The following SMG5 variants were observed in gnomAD, a reference collection of about 807,000 sequenced individuals.
SMG5 encodes nonsense-mediated mRNA decay factor SMG5.
In SMG5, 53 loss-of-function variants were observed where a neutral mutation model predicts 122.9. That is an observed-to-expected ratio of 0.43 (90% confidence interval 0.35 to 0.54). SMG5 has a LOEUF of 0.54. Among genes scored for constraint, SMG5 ranks in the 20% least tolerant of loss-of-function variants. The pLI is 0.01. For synonymous variants in SMG5, 477 were observed against 490.2 expected (o/e 0.97, Z 0.35); for missense variants, 1,153 against 1,285.6 (o/e 0.90, Z 1.58).
intron 7 of SMG5, among the ~76,000 whole-genome samples, chr1:156,271,289 T>C (rs887264505): frequency 1.3e-5 from 2 of 152,234 alleles, no homozygotes; most frequent in African/African-American, 4.8e-5. Context: ...ACTTTAGTAG[T>C]TGACCACTTA....
chr1:156,278,142 C>A, intron 2 of SMG5, 94 bp from the exon 3 acceptor site: 1 of 1,496,906 alleles, frequency 6.7e-7, no homozygotes, highest in Non-Finnish European at 9.0e-7. Flanking sequence ...AACACCCCCA[C>A]CAACAAATCT....
At chr1:156,276,315 T>C (rs1180651797) in intron 4 of SMG5, among the ~76,000 whole-genome samples, 1 of 152,074 alleles carries the variant, frequency 6.6e-6, no homozygotes, top group African/African-American at 2.4e-5. Flanking sequence ...TTAATAGAGA[T>C]GGAGTTTCAC....
Position 156,262,294 on chromosome 1 carries a change from C to T in SMG5, c.2032-886G>A, listed in dbSNP as rs996661213. Among the ~76,000 whole-genome samples, 5 of 152,002 alleles carry T rather than the reference C, an allele frequency of 3.3e-5. No individual in the cohort carries two copies. In the East Asian group the frequency reaches 9.7e-4, roughly 29 times the overall value. ...GGCGGATCAAGACCATCCTGGCTAA[C>T]ATGGTGAAACGCCGTCTCTACTAAA... On this transcript the variant is annotated intron_variant, in intron 13 of 21. Transcript: ENST00000361813.
chr1:156,260,409 G>T, intron 15 of SMG5, 42 bp downstream of exon 15: 2 of 1,580,994 alleles, frequency 1.3e-6, no homozygotes, highest in South Asian at 2.3e-5. Context: ...TGCTGTTTGT[G>T]ACTGACAAAC....
upstream of SMG5, chr1:156,286,396 G>A: frequency 6.2e-7 from 1 of 1,614,184 alleles, no homozygotes; most frequent in Non-Finnish European, 8.5e-7. Context: ...TCTTCAACCT[G>A]GCCGTGCTTT....
Position 156,249,520 on chromosome 1 carries a change from G to A in SMG5, c.*1067C>T, listed in dbSNP as rs192448906. The stretch of plus-strand genomic sequence containing the variant: ...CCACACACAGCCCTGCTCTTGGTGC[G>A]CCATTCACTGCCCTGAGCTATTCAT... On this transcript the variant is annotated 3_prime_UTR_variant, in exon 22 of 22. Transcript: ENST00000361813. The A allele has an allele frequency of 7.8e-5, 28 of 357,120 alleles. No individual in the cohort carries two copies. Among genetic ancestry groups the A allele is most frequent in the Admixed American group, 3.0e-4 (8 of 26,358 alleles). 22.1% of individuals were successfully genotyped at this position (357,120 alleles called of 1,614,324 possible). A position where few individuals can be genotyped will look rare whatever the true frequency, so the allele number is the denominator to read the frequency against.
chr1:156,252,068 A>G (rs975680500), intron 19 of SMG5, among the ~76,000 whole-genome samples: 2 of 152,174 alleles, frequency 1.3e-5, no homozygotes, highest in Non-Finnish European at 2.9e-5. Flanking sequence ...CCAACCCCAA[A>G]GCAGGAGAAA....
chr1:156,265,724 GA>G, intron 12 of SMG5, 56 bp downstream of exon 12: 1 of 1,567,198 alleles, frequency 6.4e-7, no homozygotes. Flanking sequence ...CCTCTCTGGT[GA>G]GTGTCTATGG....
the SMG5 span, chr1:156,291,338 G>A: frequency 6.3e-7 from 1 of 1,582,182 alleles, no homozygotes; most frequent in African/African-American, 1.3e-5. Context: ...CCAATCAGCT[G>A]ACGCGCTTCC....
At chr1:156,251,168 G>A in intron 20 of SMG5, 172 bp from the exon 21 acceptor site, 1 of 971,352 alleles carries the variant, frequency 1.0e-6, no homozygotes, top group Non-Finnish European at 1.5e-6. Flanking sequence ...GTGCATTGAG[G>A]GAAAACACCA....
At chr1:156,253,113 G>A (rs61814766) in intron 17 of SMG5, 35 bp from the exon 18 acceptor site, 1 of 1,549,200 alleles carries the variant, frequency 6.5e-7, no homozygotes, top group East Asian at 2.3e-5. Flanking sequence ...ACAGCTGTGG[G>A]GGACCCCTGC....
chr1:156,290,538 T>TAA, the SMG5 span: 30,215 of 138,856 alleles, frequency 0.22, 3,432 homozygotes, highest in South Asian at 0.31. Flanking sequence ...ATCTATAATT[T>TAA]AAAAAAAAAA....
Position 156,250,147 on chromosome 1 carries a change from C to T in SMG5, c.*440G>A, listed in dbSNP as rs1661279863. On this transcript the variant is annotated 3_prime_UTR_variant, in exon 22 of 22. Transcript: ENST00000361813. ...AGAATCACTCAGACACCAGGTATTACCCAGCTCTTCCCCCAAGACCTAGAG... is the reference window on the plus strand; with the variant it reads ...AGAATCACTCAGACACCAGGTATTATCCAGCTCTTCCCCCAAGACCTAGAG... 2.8e-6 allele frequency: 1 copy of T among 356,316 alleles called. No individual in the cohort carries two copies. The highest frequency in any genetic ancestry group is 2.1e-5 in the South Asian group (1 of 48,140). 22.1% of individuals were successfully genotyped at this position (356,316 alleles called of 1,614,324 possible). A position where few individuals can be genotyped will look rare whatever the true frequency, so the allele number is the denominator to read the frequency against.
rs758826796 is a variant in SMG5 at position 156,265,846 on chromosome 1, T to G, written c.1790A>C (p.Asn597Thr). 6.2e-7 allele frequency: 1 copy of G among 1,613,800 alleles called. No individual in the cohort carries two copies. Among genetic ancestry groups the G allele is most frequent in the South Asian group, 1.1e-5 (1 of 91,052 alleles). The stretch of plus-strand genomic sequence containing the variant: ...CCTGTGGCTGGCCGAGGTATGAGGG[T>G]TGGTGGTGGGCTGGAGGAGCAGGTT... The part of the protein sequence containing the change: ...FSNLLLQPTT[N>T]PHTSASHRPC... The change falls in exon 12 of 22, where the codon AAC becomes ACC. Residue 597 changes from asparagine to threonine, a missense_variant. By Grantham distance (65) the Asn-to-Thr change is moderately conservative. Around this residue, in one of 5 missense-constraint regions of SMG5, gnomAD observed 631 missense variants for 650.6 expected, o/e 0.97. Coordinates refer to ENST00000361813, the MANE Select transcript of SMG5 (RefSeq NM_015327.3).
intron 12 of SMG5, among the ~76,000 whole-genome samples, chr1:156,264,747 T>C (rs1279015421): frequency 1.3e-5 from 2 of 152,040 alleles, no homozygotes; most frequent in African/African-American, 2.4e-5. Flanking sequence ...TTGGAGGGGC[T>C]AGGTGTGGCG....
the SMG5 span, among the ~76,000 whole-genome samples, chr1:156,289,450 TA>T: frequency 6.6e-6 from 1 of 152,010 alleles, no homozygotes; most frequent in Admixed American, 6.6e-5. Flanking sequence ...CTACTAAAAA[TA>T]AAAATAAAAA....
At chr1:156,269,420 T>C (rs1449618102) in intron 7 of SMG5, among the ~76,000 whole-genome samples, 1 of 152,126 alleles carries the variant, frequency 6.6e-6, no homozygotes, top group Non-Finnish European at 1.5e-5. Flanking sequence ...CAACCCTGTC[T>C]TACTAAAAAC....
chr1:156,282,599 CCT>C lies in SMG5; in HGVS notation c.74+6_74+7del. On this transcript the variant is annotated splice_donor_region_variant and intron_variant, in intron 1 of 21. Transcript: ENST00000361813. ...CGGTGGCTGCTCTCACGCCCTGGCC[CCT>C]CTCACCGGTAAAGCCGCTTAGTGTG... is the stretch of plus-strand genomic sequence containing the variant. The C allele has an allele frequency of 6.2e-7, 1 of 1,606,800 alleles. No homozygotes were observed.
Position 156,282,701 on chromosome 1 carries a change from G to C in SMG5, c.-21C>G, listed in dbSNP as rs760547476. 67 of 1,588,098 alleles carry C rather than the reference G, an allele frequency of 4.2e-5. No individual in the cohort carries two copies. Among genetic ancestry groups the C allele is most frequent in the Non-Finnish European group, 1.7e-5 (20 of 1,173,710 alleles). ...CTCATGGTGCCCGGGTCCGGGGGCAGCTCCCGGTCACAGGCCCCTGCCACC... is the reference window on the plus strand; with the variant it reads ...CTCATGGTGCCCGGGTCCGGGGGCACCTCCCGGTCACAGGCCCCTGCCACC... On this transcript the variant is annotated 5_prime_UTR_variant, in exon 1 of 22. Coordinates refer to ENST00000361813, the MANE Select transcript of SMG5 (RefSeq NM_015327.3).
Sources: gnomAD v4.1 joint callset for allele counts (sites outside exome capture counted in the v4.1 genomes callset) on GRCh38, gnomAD v4.1.1 for gene constraint, gnomAD v4.1.1 regional missense constraint, MANE v1.5 for transcripts, NCBI Gene and HGNC (gene_info 2026-07-23, HGNC 2026-07-21) for gene names.